The following CSMD3 variants were observed in gnomAD, a reference collection of about 807,000 sequenced individuals.
CSMD3 encodes the protein CUB and sushi domain-containing protein 3.
CSMD3 carries 177 observed loss-of-function variants against 435.2 expected under a neutral mutation model. That is an observed-to-expected ratio of 0.41 (90% CI 0.36 to 0.46). CSMD3 has a LOEUF of 0.46. Ranked by LOEUF, CSMD3 falls within the 20% of genes least tolerant of loss-of-function variation. CSMD3 has a pLI of 0.34. For missense variants in CSMD3, 4,265 were observed against 4,504.6 expected (o/e 0.95, Z 1.52); for synonymous variants, 1,656 against 1,520.5 (o/e 1.09, Z -2.07).
intron 5 of CSMD3, among the ~76,000 whole-genome samples, chr8:113,034,107 A>G (rs889552622): frequency 6.6e-6 from 1 of 151,586 alleles, no homozygotes; most frequent in Non-Finnish European, 1.5e-5. Flanking sequence ...TTGTTTATAA[A>G]TTACCCAGTC....
intron 53 of CSMD3, among the ~76,000 whole-genome samples, chr8:112,300,752 C>A (rs1820843119): frequency 6.6e-6 from 1 of 152,042 alleles, no homozygotes; most frequent in South Asian, 2.1e-4. Context: ...TAACTATTAA[C>A]AAATGTGCCT....
In CSMD3 at chr8:112,289,511, G is replaced by A. The variant is rs140304310; in HGVS notation, c.9002C>T (p.Pro3001Leu). 6 of 1,612,434 alleles carry A rather than the reference G, an allele frequency of 3.7e-6. No homozygotes were observed. In the East Asian group the frequency reaches 1.3e-4, roughly 36 times the overall value. Reference protein sequence around the residue: ...IMIDCGHPGVPPNAVLSGEKY... With the variant: ...IMIDCGHPGVLPNAVLSGEKY... ...CTCGCCAGACAGGACTGCATTAGGA[G>A]GAACGCCAGGGTGTCCACAGTCAAT... is the stretch of plus-strand genomic sequence containing the variant. Residue 3001 changes from proline to leucine, a missense_variant, in exon 57 of 71, where the codon CCT (proline) becomes CTT (leucine). By Grantham distance (98) the Pro-to-Leu change is moderately conservative (BLOSUM62 -3). Coordinates refer to ENST00000297405, the MANE Select transcript of CSMD3 (RefSeq NM_198123.2).
chr8:113,287,257 T>C (rs955635794), intron 2 of CSMD3, among the ~76,000 whole-genome samples: 1 of 152,072 alleles, frequency 6.6e-6, no homozygotes, highest in African/African-American at 2.4e-5. Flanking sequence ...ATAATTTTTC[T>C]TTGGTTCAAC....
At chr8:113,326,792 A>G (rs533518183) in intron 1 of CSMD3, among the ~76,000 whole-genome samples, 2 of 152,284 alleles carry the variant, frequency 1.3e-5, no homozygotes, top group South Asian at 4.1e-4. Flanking sequence ...AGTTAATTTT[A>G]TAAAGTTTAT....
At chr8:112,918,350 A>G (rs1198871584) in intron 10 of CSMD3, among the ~76,000 whole-genome samples, 1 of 151,680 alleles carries the variant, frequency 6.6e-6, no homozygotes, top group Non-Finnish European at 1.5e-5. Context: ...TTAATTACCC[A>G]TTTCATTAAT....
At chr8:113,427,161 A>G (rs1184862339) in intron 1 of CSMD3, among the ~76,000 whole-genome samples, 1 of 151,570 alleles carries the variant, frequency 6.6e-6, no homozygotes, top group African/African-American at 2.4e-5. Flanking sequence ...TAGAAATGAC[A>G]AAAGTAATAT....
At chr8:113,011,439 T>C (rs948733169) in intron 6 of CSMD3, among the ~76,000 whole-genome samples, 1 of 151,748 alleles carries the variant, frequency 6.6e-6, no homozygotes, top group African/African-American at 2.4e-5. Context: ...TTCAGGGAAA[T>C]TTGAAGTAAA....
At chr8:113,156,804 G>A (rs920923283) in intron 4 of CSMD3, among the ~76,000 whole-genome samples, 20 of 151,360 alleles carry the variant, frequency 1.3e-4, no homozygotes, top group Non-Finnish European at 1.8e-4. Context: ...GGTGGCACAT[G>A]CCCATAGTCC....
chr8:112,357,945 C>T (rs1826799141), intron 38 of CSMD3, among the ~76,000 whole-genome samples: 1 of 152,100 alleles, frequency 6.6e-6, no homozygotes, highest in Admixed American at 6.6e-5. Context: ...TCCTCCAGAC[C>T]CCAGAATGGT....
intron 4 of CSMD3, among the ~76,000 whole-genome samples, chr8:113,152,839 C>CA (rs2091840296): frequency 6.6e-6 from 1 of 151,490 alleles, no homozygotes; most frequent in Non-Finnish European, 1.5e-5. Context: ...TTTAGCTGGG[C>CA]ATATGCCTGT....
At chr8:112,650,499 T>A in intron 18 of CSMD3, 150 bp from the exon 19 acceptor site, 1 of 711,164 alleles carries the variant, frequency 1.4e-6, no homozygotes, top group Admixed American at 2.3e-5. Context: ...ATTTATTTAA[T>A]AAATTTGTTT....
intron 2 of CSMD3, among the ~76,000 whole-genome samples, chr8:113,284,952 G>C (rs1054413049): frequency 6.6e-6 from 1 of 152,138 alleles, no homozygotes; most frequent in Non-Finnish European, 1.5e-5. Context: ...TAAGTAAATT[G>C]TTTAAATTCA....
intron 13 of CSMD3, among the ~76,000 whole-genome samples, chr8:112,790,929 T>C (rs2078671818): frequency 6.6e-6 from 1 of 152,152 alleles, no homozygotes; most frequent in African/African-American, 2.4e-5. Flanking sequence ...TACAGATTCA[T>C]TGAGATATGA....
At chr8:112,697,449 C>T (rs139243475) in intron 13 of CSMD3, among the ~76,000 whole-genome samples, 22 of 152,040 alleles carry the variant, frequency 1.4e-4, no homozygotes, top group East Asian at 3.9e-4. Flanking sequence ...TTTGTAGGGA[C>T]GTGGATGTTT....
intron 38 of CSMD3, among the ~76,000 whole-genome samples, chr8:112,379,627 G>A (rs536221486): frequency 5.3e-5 from 8 of 152,260 alleles, no homozygotes; most frequent in African/African-American, 1.7e-4. Flanking sequence ...TCAACTAGAT[G>A]CTTATCAAAA....
intron 37 of CSMD3, 59 bp downstream of exon 37, chr8:112,383,504 TTTAA>T: frequency 2.1e-6 from 2 of 943,840 alleles, no homozygotes; most frequent in South Asian, 2.7e-5. Context: ...TAGATAGCTC[TTTAA>T]TTTTTTTTAT....
intron 58 of CSMD3, among the ~76,000 whole-genome samples, chr8:112,285,061 G>T (rs1337712204): frequency 6.6e-6 from 1 of 151,698 alleles, no homozygotes; most frequent in Non-Finnish European, 1.5e-5. Context: ...ACTAAAATCT[G>T]TTTGTGTAAG....
chr8:112,429,801 T>C (rs1299946620), intron 32 of CSMD3, among the ~76,000 whole-genome samples: 5 of 152,100 alleles, frequency 3.3e-5, no homozygotes, highest in African/African-American at 1.2e-4. Context: ...AACATGAAAG[T>C]GTGTAACCTC....
At chr8:112,753,617 A>G (rs1228396005) in intron 13 of CSMD3, among the ~76,000 whole-genome samples, 1 of 152,200 alleles carries the variant, frequency 6.6e-6, no homozygotes, top group East Asian at 1.9e-4. Context: ...GTTTTAAATG[A>G]TTTTATAAAA....
Sources: allele counts gnomAD v4.1 joint callset (sites outside exome capture counted in the v4.1 genomes callset), GRCh38; gene constraint gnomAD v4.1.1; transcripts MANE v1.5; gene names NCBI Gene and HGNC (gene_info 2026-07-23, HGNC 2026-07-21).